POLK: variants seen among roughly 807,000 people sequenced by gnomAD.
POLK encodes DNA polymerase kappa.
A neutral mutation model predicts 94.0 loss-of-function variants in POLK; 76 were observed. The observed-to-expected ratio is 0.81, with a 90% CI of 0.67 to 0.98. POLK has a LOEUF of 0.98. Ranked by LOEUF, POLK falls within the 50% of genes least tolerant of loss-of-function variation. The pLI, the probability that POLK is intolerant of heterozygous loss-of-function variation, is 0.00. For missense variants in POLK, 954 were observed against 1,010.1 expected (o/e 0.94, Z 0.75); for synonymous variants, 349 against 325.4 (o/e 1.07, Z -0.78).
rs5744585 is a variant in POLK, at chr5:75,546,080, C to G, written c.-13-930C>G. Among the ~76,000 whole-genome samples the G allele has an allele frequency of 7.2e-4, 110 of 152,224 alleles. 1 individual carries two copies. Among genetic ancestry groups the G allele is most frequent in the African/African-American group, 2.6e-3 (107 of 41,558 alleles). On this transcript the variant is annotated intron_variant, in intron 1 of 14. Coordinates refer to ENST00000241436, the Ensembl canonical transcript of POLK. ...CACCACAGGGGCTAGGGACCCTGCCCACACACAATCAAAAATTCACATATA... is the reference window on the plus strand; with the variant it reads ...CACCACAGGGGCTAGGGACCCTGCCGACACACAATCAAAAATTCACATATA...
chr5:75,578,062 A>C (rs1771997964), intron 6 of POLK, among the ~76,000 whole-genome samples: 1 of 152,176 alleles, frequency 6.6e-6, no homozygotes, highest in Non-Finnish European at 1.5e-5. Context: ...AATTATGTCA[A>C]AGCATCCCCT....
chr5:75,579,327 G>C (rs1772076792), intron 6 of POLK, among the ~76,000 whole-genome samples: 1 of 151,880 alleles, frequency 6.6e-6, no homozygotes, highest in African/African-American at 2.4e-5. Flanking sequence ...AGGGCTCCAG[G>C]TAGATACCAT....
At chr5:75,596,255 A>G (rs1371455877) in exon 13 of POLK, 4 of 1,609,822 alleles carry the variant, frequency 2.5e-6, no homozygotes, top group Non-Finnish European at 3.4e-6. Flanking sequence ...AATGAAGAGG[A>G]CAGGAAACAC....
At chr5:75,565,589 T>C (rs1771224582) in intron 3 of POLK, among the ~76,000 whole-genome samples, 1 of 152,216 alleles carries the variant, frequency 6.6e-6, no homozygotes, top group South Asian at 2.1e-4. Context: ...TCTTTGTTGA[T>C]GTTGATGCTG....
chr5:75,590,106 T>C (rs1772700479), intron 10 of POLK, among the ~76,000 whole-genome samples: 1 of 152,222 alleles, frequency 6.6e-6, no homozygotes, highest in South Asian at 2.1e-4. Context: ...TGTGATATAA[T>C]AGAGCAAGAG....
chr5:75,511,663 C>T, upstream of POLK: 2 of 1,514,300 alleles, frequency 1.3e-6, no homozygotes, highest in Non-Finnish European at 1.8e-6. Flanking sequence ...CCCTCCCCTT[C>T]GTCCTCCCAT....
intron 1 of POLK, among the ~76,000 whole-genome samples, chr5:75,534,550 A>G (rs1769354792): frequency 6.6e-6 from 1 of 152,088 alleles, no homozygotes; most frequent in South Asian, 2.1e-4. Flanking sequence ...GATATGTCTA[A>G]TATTATCAGT....
chr5:75,543,868 C>G (rs1769875859), intron 1 of POLK, among the ~76,000 whole-genome samples: 1 of 152,014 alleles, frequency 6.6e-6, no homozygotes, highest in Non-Finnish European at 1.5e-5. Flanking sequence ...GGTTCTTGCT[C>G]TCTTGCCCAG....
intron 1 of POLK, among the ~76,000 whole-genome samples, chr5:75,526,124 C>T (rs561178571): frequency 6.6e-6 from 1 of 152,044 alleles, no homozygotes; most frequent in East Asian, 1.9e-4. Context: ...ATATAACCAA[C>T]CTTTATAGAA....
chr5:75,570,608 A>G (rs966760077), intron 4 of POLK, among the ~76,000 whole-genome samples: 5 of 152,190 alleles, frequency 3.3e-5, no homozygotes, highest in Non-Finnish European at 7.4e-5. Context: ...ATGACTTAGA[A>G]CTTTTGCTTT....
chr5:75,594,970 G>T (rs1772987942), intron 12 of POLK, among the ~76,000 whole-genome samples: 1 of 152,290 alleles, frequency 6.6e-6, no homozygotes, highest in African/African-American at 2.4e-5. Context: ...AAAGAGCCAG[G>T]CTGGGCGCGG....
chr5:75,568,248 T>C (rs891670783), intron 3 of POLK, among the ~76,000 whole-genome samples: 1 of 152,246 alleles, frequency 6.6e-6, no homozygotes, highest in Non-Finnish European at 1.5e-5. Context: ...ACTTGTGCCA[T>C]GTACCAGGTA....
intron 1 of POLK, among the ~76,000 whole-genome samples, chr5:75,517,812 T>C (rs907064254): frequency 6.6e-6 from 1 of 152,244 alleles, no homozygotes; most frequent in African/African-American, 2.4e-5. Flanking sequence ...AACATGTTCC[T>C]GCTGTATCCA....
intron 4 of POLK, among the ~76,000 whole-genome samples, chr5:75,572,770 A>G (rs1029259492): frequency 6.6e-6 from 1 of 152,208 alleles, no homozygotes; most frequent in Non-Finnish European, 1.5e-5. Flanking sequence ...GGATTAAAAC[A>G]GTGGCCTATA....
Position 75,573,881 on chromosome 5 carries a change from T to A in POLK, c.540+12T>A. The A allele has an allele frequency of 6.2e-7, 1 of 1,612,668 alleles. No homozygotes were observed. ...CTGTGAGTAAAGAGGTAAGTTAATGTCTCACCCCTACTTTAGGCTTTCACT... is the reference window on the plus strand; with the variant it reads ...CTGTGAGTAAAGAGGTAAGTTAATGACTCACCCCTACTTTAGGCTTTCACT... On this transcript the variant is annotated intron_variant, in intron 5 of 14. Transcript: ENST00000241436.
chr5:75,585,013 C>T (rs1772394190), intron 9 of POLK, 87 bp downstream of exon 9: 1 of 823,444 alleles, frequency 1.2e-6, no homozygotes, highest in Non-Finnish European at 2.0e-6. Context: ...ATATGGATAA[C>T]ATGTTTTAAA....
intron 1 of POLK, among the ~76,000 whole-genome samples, chr5:75,531,863 G>C (rs900060309): frequency 6.6e-6 from 1 of 152,052 alleles, no homozygotes. Flanking sequence ...TGAGCACAGC[G>C]TAGTTAAATG....
intron 1 of POLK, chr5:75,512,151 C>T (rs1768064766): frequency 1.4e-5 from 3 of 220,882 alleles, no homozygotes; most frequent in Non-Finnish European, 2.7e-5. Flanking sequence ...CCGCTTCCGC[C>T]TCAACCATGG....
intron 1 of POLK, among the ~76,000 whole-genome samples, chr5:75,515,950 TGTG>T (rs1256241160): frequency 6.6e-6 from 1 of 152,196 alleles, no homozygotes; most frequent in Non-Finnish European, 1.5e-5. Flanking sequence ...GATAGCTCAT[TGTG>T]GTTTTGATTT....
Sources: gnomAD v4.1 joint callset for allele counts (sites outside exome capture counted in the v4.1 genomes callset) on GRCh38, gnomAD v4.1.1 for gene constraint, MANE v1.5 for transcripts, NCBI Gene and HGNC (gene_info 2026-07-23, HGNC 2026-07-21) for gene names.